Variants in RIMS1 observed in about 807,000 individuals in gnomAD.
RIMS1 encodes the protein regulating synaptic membrane exocytosis 1, also known as regulating synaptic membrane exocytosis protein 1.
A neutral mutation model predicts 214.1 loss-of-function variants in RIMS1; 83 were observed. That is an observed-to-expected ratio of 0.39 (90% CI 0.32 to 0.47). The LOEUF (loss-of-function observed/expected upper bound fraction) is 0.47, where lower values mean the gene tolerates loss of function less well. Ranked by LOEUF, RIMS1 falls within the 20% of genes least tolerant of loss-of-function variation. The probability of loss-of-function intolerance (pLI) is 0.99; values close to 1 mark genes in which losing one functional copy is unlikely to be tolerated. For synonymous variants in RIMS1, 793 were observed against 786.8 expected (o/e 1.01, Z -0.13); for missense variants, 2,050 against 2,161.8 (o/e 0.95, Z 1.03).
chr6:71,914,343 C>G (rs1777750254), intron 1 of RIMS1, among the ~76,000 whole-genome samples: 1 of 151,626 alleles, frequency 6.6e-6, no homozygotes, highest in Non-Finnish European at 1.5e-5. Context: ...TTTCTTTTTT[C>G]CACAAAAAAT....
intron 23 of RIMS1, among the ~76,000 whole-genome samples, chr6:72,283,398 A>T (rs534402301): frequency 6.6e-6 from 1 of 152,310 alleles, no homozygotes; most frequent in African/African-American, 2.4e-5. Flanking sequence ...AAAAAGTAGA[A>T]TAAACTGGGG....
At chr6:72,379,928 C>G (rs1342228413) in intron 29 of RIMS1, among the ~76,000 whole-genome samples, 2 of 152,068 alleles carry the variant, frequency 1.3e-5, no homozygotes. Flanking sequence ...GAAAGATTCC[C>G]CAAAACCTTG....
At chr6:71,986,721 G>A (rs1284048374) in intron 2 of RIMS1, among the ~76,000 whole-genome samples, 1 of 152,252 alleles carries the variant, frequency 6.6e-6, no homozygotes, top group Non-Finnish European at 1.5e-5. Flanking sequence ...TAAATTGGAT[G>A]TGTTGTGACC....
In RIMS1 at chr6:72,387,208, C is replaced by G. The variant is rs535845125; in HGVS notation, c.4367-3390C>G. On this transcript the variant is annotated intron_variant, in intron 29 of 33. Coordinates refer to ENST00000521978, the MANE Select transcript of RIMS1 (RefSeq NM_014989.7). ...GAACAAAAAACAGAATGAACTAACA[C>G]TCTAACCTGAACCCGCCATATTGTT... 1.4e-4 allele frequency among the ~76,000 whole-genome samples: 22 copies of G among 152,174 alleles called. No homozygotes were observed. The East Asian group carries it at 4.1e-3, about 28-fold the overall frequency.
chr6:72,018,890 T>C (rs746674633), intron 2 of RIMS1, among the ~76,000 whole-genome samples: 1 of 152,206 alleles, frequency 6.6e-6, no homozygotes, highest in Non-Finnish European at 1.5e-5. Context: ...TAGACTATAG[T>C]GCTCAACATT....
At chr6:72,217,310 A>G in intron 6 of RIMS1, 1 of 1,353,420 alleles carries the variant, frequency 7.4e-7, no homozygotes, top group East Asian at 2.5e-5. Flanking sequence ...TAATTATCCA[A>G]AAGAGTAAGA....
intron 2 of RIMS1, among the ~76,000 whole-genome samples, chr6:71,988,163 A>G (rs1489553683): frequency 1.3e-5 from 2 of 151,982 alleles, no homozygotes; most frequent in African/African-American, 4.8e-5. Context: ...TGCTTCCTGT[A>G]GCAGCAAATC....
intron 2 of RIMS1, among the ~76,000 whole-genome samples, chr6:72,094,350 G>T (rs967104395): frequency 6.6e-6 from 1 of 151,998 alleles, no homozygotes; most frequent in Non-Finnish European, 1.5e-5. Context: ...CTATGAGATT[G>T]CAATAGAGTA....
At chr6:72,056,814 A>G (rs966325389) in intron 2 of RIMS1, among the ~76,000 whole-genome samples, 2 of 152,238 alleles carry the variant, frequency 1.3e-5, no homozygotes, top group Non-Finnish European at 2.9e-5. Flanking sequence ...AATTAAGGTT[A>G]AATAATAAAT....
intron 29 of RIMS1, among the ~76,000 whole-genome samples, chr6:72,378,344 A>G (rs1247252236): frequency 1.3e-5 from 2 of 152,224 alleles, no homozygotes; most frequent in African/African-American, 4.8e-5. Flanking sequence ...CATCTAATTT[A>G]TTTTGTGGAA....
chr6:72,010,829 G>T (rs1363780429), intron 2 of RIMS1, among the ~76,000 whole-genome samples: 1 of 151,760 alleles, frequency 6.6e-6, no homozygotes, highest in East Asian at 1.9e-4. Context: ...AAATAAAAGA[G>T]GATACAAACA....
intron 1 of RIMS1, among the ~76,000 whole-genome samples, chr6:71,897,496 C>T (rs1378565032): frequency 1.3e-5 from 2 of 152,264 alleles, no homozygotes; most frequent in African/African-American, 4.8e-5. Context: ...ATTGCTATTT[C>T]ACAACATGGT....
chr6:71,894,910 A>C (rs1771181088), intron 1 of RIMS1, among the ~76,000 whole-genome samples: 1 of 152,232 alleles, frequency 6.6e-6, no homozygotes, highest in Admixed American at 6.5e-5. Context: ...TAATATAGAA[A>C]ATAATACCAT....
At chr6:71,951,492 T>TTTTTTTTTTTG (rs1162341760) in intron 1 of RIMS1, among the ~76,000 whole-genome samples, 9 of 117,486 alleles carry the variant, frequency 7.7e-5, no homozygotes, top group African/African-American at 3.4e-4. Flanking sequence ...TTTTTTTTTT[T>TTTTTTTTTTTG]TGTGTGTGTG....
chr6:72,213,252 C>A (rs1487719994), intron 6 of RIMS1: 4 of 1,517,764 alleles, frequency 2.6e-6, no homozygotes, highest in Non-Finnish European at 2.6e-6. Flanking sequence ...AATCCCACTT[C>A]ATTTTGTCCC....
chr6:72,242,565 C>A, intron 10 of RIMS1, 128 bp downstream of exon 10: 1 of 601,862 alleles, frequency 1.7e-6, no homozygotes. Context: ...TATGGGCATA[C>A]ATTTTTAGAT....
At chr6:71,933,747 G>A (rs1420053570) in intron 1 of RIMS1, among the ~76,000 whole-genome samples, 2 of 149,820 alleles carry the variant, frequency 1.3e-5, no homozygotes, top group African/African-American at 4.9e-5. Context: ...TATGAAATTA[G>A]CTTCAAAAGA....
At chr6:72,114,621 C>A (rs1215106678) in intron 4 of RIMS1, among the ~76,000 whole-genome samples, 1 of 151,732 alleles carries the variant, frequency 6.6e-6, no homozygotes, top group Admixed American at 6.6e-5. Context: ...TTTTGCTCAG[C>A]CTTTATAGTG....
At chr6:72,101,531 T>G (rs1026164512) in intron 4 of RIMS1, among the ~76,000 whole-genome samples, 1 of 152,022 alleles carries the variant, frequency 6.6e-6, no homozygotes, top group Non-Finnish European at 1.5e-5. Flanking sequence ...TCTTTCCCTA[T>G]TCCTCTAATC....
Sources: allele counts gnomAD v4.1 joint callset (sites outside exome capture counted in the v4.1 genomes callset), GRCh38; gene constraint gnomAD v4.1.1; transcripts MANE v1.5; gene names NCBI Gene and HGNC (gene_info 2026-07-23, HGNC 2026-07-21).